RCAN2: variants seen among roughly 807,000 people sequenced by gnomAD.
RCAN2 encodes regulator of calcineurin 2.
In RCAN2, 9 loss-of-function variants were observed where a neutral mutation model predicts 23.6. That is an observed-to-expected ratio of 0.38 (90% CI 0.23 to 0.67). The LOEUF (loss-of-function observed/expected upper bound fraction) is 0.67. Ranked by LOEUF, RCAN2 falls within the 30% of genes least tolerant of loss-of-function variation. The pLI is 0.51. For synonymous variants in RCAN2, 109 were observed against 115.7 expected, an observed-to-expected ratio of 0.94 and a Z score of 0.37; for missense variants, 273 against 302.3, an observed-to-expected ratio of 0.90 and a Z score of 0.72.
chr6:46,311,630 C>T (rs1029699725), intron 2 of RCAN2, among the ~76,000 whole-genome samples: 2 of 152,256 alleles, frequency 1.3e-5, no homozygotes, highest in Admixed American at 1.3e-4. Flanking sequence ...AGAAGTAATC[C>T]GATTGAAGAG....
intron 2 of RCAN2, among the ~76,000 whole-genome samples, chr6:46,433,785 T>C (rs1767284907): frequency 6.6e-6 from 1 of 152,250 alleles, no homozygotes; most frequent in Non-Finnish European, 1.5e-5. Context: ...AAGCTTGTGG[T>C]AAATTGTTAG....
intron 2 of RCAN2, among the ~76,000 whole-genome samples, chr6:46,358,904 C>A (rs1453793505): frequency 6.6e-6 from 1 of 152,172 alleles, no homozygotes; most frequent in African/African-American, 2.4e-5. Flanking sequence ...TTCCAATATG[C>A]AGCCAGGGTG....
At position 46,258,790 on chromosome 6, in the gene RCAN2, AT is replaced by A. The variant is rs143563860; in HGVS notation, c.226-9895del. Among the ~76,000 whole-genome samples, 1,060 of 152,274 alleles carry A rather than the reference AT, an allele frequency of 7.0e-3. 16 individuals carry two copies. The highest frequency in any genetic ancestry group is 0.025 in the African/African-American group (1,032 of 41,546). On this transcript the variant is annotated intron_variant, in intron 2 of 4. Transcript: ENST00000371374. ...AGTTAAGGAAATTTCCATTTCTCTG[AT>A]TCTTCTTAGTCATCATCTAAACACT...
chr6:46,270,361 C>T (rs1341679476), intron 2 of RCAN2, among the ~76,000 whole-genome samples: 1 of 152,144 alleles, frequency 6.6e-6, no homozygotes, highest in Non-Finnish European at 1.5e-5. Context: ...ATTCGATGCT[C>T]CCACTTTGTG....
rs527471163 is a variant in RCAN2 at position 46,237,154 on chromosome 6, A to G, written c.571+9594T>C. 3.9e-5 allele frequency among the ~76,000 whole-genome samples: 6 copies of G among 152,208 alleles called. No homozygotes were observed. The South Asian group carries it at 1.2e-3, about 32-fold the overall frequency. ...TAGTTTTGTCTTTCACTTTTAATAC[A>G]TTTTCATGGCAACTCATATTTTTAG... On this transcript the variant is annotated intron_variant, in intron 4 of 4. Transcript: ENST00000371374.
chr6:46,408,367 C>T (rs913172669), intron 2 of RCAN2, among the ~76,000 whole-genome samples: 9 of 152,288 alleles, frequency 5.9e-5, no homozygotes, highest in Middle Eastern at 3.4e-3. Context: ...CACAGCAACA[C>T]GGGTTCTCTT....
chr6:46,397,516 A>T (rs1277613014), intron 2 of RCAN2, among the ~76,000 whole-genome samples: 1 of 152,132 alleles, frequency 6.6e-6, no homozygotes, highest in African/African-American at 2.4e-5. Flanking sequence ...GCTAAGTAAG[A>T]TGCTACCTTT....
chr6:46,288,995 A>T (rs1049086149), intron 2 of RCAN2, among the ~76,000 whole-genome samples: 5 of 152,312 alleles, frequency 3.3e-5, no homozygotes, highest in African/African-American at 1.2e-4. Context: ...TAAAACACAC[A>T]TGTGAGACTT....
Position 46,222,062 on chromosome 6 carries a change from A to G in RCAN2, c.*1079T>C, listed in dbSNP as rs1454310027. ...ATCTACAACTGACACTTGCATCTTTATTTAAAAACAAGTGGTCTTGATAGC... is the reference window on the plus strand; with the variant it reads ...ATCTACAACTGACACTTGCATCTTTGTTTAAAAACAAGTGGTCTTGATAGC... On this transcript the variant is annotated 3_prime_UTR_variant, in exon 5 of 5. Transcript: ENST00000371374. 2.5e-6 allele frequency: 1 copy of G among 398,244 alleles called. No individual in the cohort carries two copies. Among genetic ancestry groups the G allele is most frequent in the Non-Finnish European group, 4.4e-6 (1 of 225,790 alleles). The allele number at this position is 398,244 out of a possible 1,614,324, so 24.7% of individuals were successfully genotyped here. A position where few individuals can be genotyped will look rare whatever the true frequency, so the allele number is the denominator to read the frequency against.
At chr6:46,490,739 G>C (rs1769116125) in intron 1 of RCAN2, among the ~76,000 whole-genome samples, 1 of 151,450 alleles carries the variant, frequency 6.6e-6, no homozygotes, top group Non-Finnish European at 1.5e-5. Flanking sequence ...GGGATCTCTC[G>C]ATCTTCTTTG....
chr6:46,381,372 G>T (rs1346504525), intron 2 of RCAN2, among the ~76,000 whole-genome samples: 2 of 152,134 alleles, frequency 1.3e-5, no homozygotes, highest in African/African-American at 4.8e-5. Context: ...CTGTGGCTCG[G>T]TTCTCTTATC....
At chr6:46,262,848 C>T (rs894868315) in intron 2 of RCAN2, among the ~76,000 whole-genome samples, 7 of 152,148 alleles carry the variant, frequency 4.6e-5, no homozygotes, top group African/African-American at 1.4e-4. Flanking sequence ...TCTCATTTGC[C>T]CTTTCTTCCG....
chr6:46,252,424 CT>C (rs927913598), intron 2 of RCAN2, among the ~76,000 whole-genome samples: 4 of 152,182 alleles, frequency 2.6e-5, no homozygotes, highest in Non-Finnish European at 5.9e-5. Context: ...TTGTAGCATC[CT>C]GTTTGAATAA....
chr6:46,287,951 A>C (rs190742649), intron 2 of RCAN2, among the ~76,000 whole-genome samples: 66 of 152,352 alleles, frequency 4.3e-4, no homozygotes, highest in Non-Finnish European at 8.2e-4. Context: ...GACAAAGAAT[A>C]ATACGACCCG....
chr6:46,393,575 T>C (rs1050771674), intron 2 of RCAN2, among the ~76,000 whole-genome samples: 7 of 152,176 alleles, frequency 4.6e-5, no homozygotes, highest in Non-Finnish European at 1.0e-4. Context: ...GAATAGATTA[T>C]TTGGCTTGTA....
At chr6:46,483,542 CA>C in intron 1 of RCAN2, among the ~76,000 whole-genome samples, 1 of 152,308 alleles carries the variant, frequency 6.6e-6, no homozygotes, top group Non-Finnish European at 1.5e-5. Flanking sequence ...CACTTAGACA[CA>C]AGGTCAGAAG....
At chr6:46,427,691 G>A (rs557403689) in intron 2 of RCAN2, among the ~76,000 whole-genome samples, 3 of 152,186 alleles carry the variant, frequency 2.0e-5, no homozygotes, top group South Asian at 2.1e-4. Flanking sequence ...ACATGACCTC[G>A]CATGCAATAT....
chr6:46,455,171 C>T (rs530975046), intron 2 of RCAN2, among the ~76,000 whole-genome samples: 3 of 152,138 alleles, frequency 2.0e-5, no homozygotes, highest in Non-Finnish European at 4.4e-5. Context: ...AATCCAAGAA[C>T]AAAATTCTCA....
intron 2 of RCAN2, among the ~76,000 whole-genome samples, chr6:46,291,318 T>C (rs778505691): frequency 1.4e-4 from 21 of 151,950 alleles, no homozygotes; most frequent in South Asian, 2.1e-4. Flanking sequence ...TTTTGCTTTT[T>C]AAATGAAAGC....
Sources: gnomAD v4.1 joint callset for allele counts (sites outside exome capture counted in the v4.1 genomes callset) on GRCh38, gnomAD v4.1.1 for gene constraint, MANE v1.5 for transcripts, NCBI Gene and HGNC (gene_info 2026-07-23, HGNC 2026-07-21) for gene names.